RASSF8: variants seen among roughly 807,000 people sequenced by gnomAD.
RASSF8 encodes the protein ras association domain-containing protein 8.
RASSF8 carries 22 observed loss-of-function variants against 48.5 expected under a neutral mutation model. That is an observed-to-expected ratio of 0.45 (90% confidence interval 0.32 to 0.65). RASSF8 has a LOEUF of 0.65. RASSF8 is among the 30% of genes least tolerant of loss of function. The probability of loss-of-function intolerance (pLI) is 0.03; values close to 1 mark genes in which losing one functional copy is unlikely to be tolerated. For synonymous variants in RASSF8, 127 were observed against 171.5 expected (o/e 0.74, Z 2.03); for missense variants, 418 against 489.2 (o/e 0.85, Z 1.37).
intron 2 of RASSF8, among the ~76,000 whole-genome samples, chr12:26,016,189 T>C (rs897059804): frequency 7.0e-6 from 1 of 143,750 alleles, no homozygotes; most frequent in Non-Finnish European, 1.5e-5. Context: ...TCTGGAGTTA[T>C]TAAGGGCTGT....
At chr12:26,035,438 T>C (rs1236755809) in intron 2 of RASSF8, among the ~76,000 whole-genome samples, 1 of 21,152 alleles carries the variant, frequency 4.7e-5, no homozygotes, top group Admixed American at 3.7e-4. Flanking sequence ...TATATAATTA[T>C]ATAATATAAG....
chr12:25,992,964 A>G (rs1289810214), intron 1 of RASSF8, among the ~76,000 whole-genome samples: 2 of 152,130 alleles, frequency 1.3e-5, no homozygotes, highest in African/African-American at 4.8e-5. Context: ...TTGGTTTGTT[A>G]GTTTTTGTAA....
chr12:25,985,479 A>C (rs997626600), intron 1 of RASSF8, among the ~76,000 whole-genome samples: 3 of 152,214 alleles, frequency 2.0e-5, no homozygotes, highest in Non-Finnish European at 4.4e-5. Context: ...ATGGCAGTGC[A>C]GGGGTCCAGT....
intron 2 of RASSF8, among the ~76,000 whole-genome samples, chr12:26,016,300 A>G (rs1034455660): frequency 6.6e-6 from 1 of 151,780 alleles, no homozygotes; most frequent in Non-Finnish European, 1.5e-5. Flanking sequence ...TCTAATAACC[A>G]GTGCTTTTGC....
intron 1 of RASSF8, among the ~76,000 whole-genome samples, chr12:25,977,705 A>G (rs1202982298): frequency 1.3e-5 from 2 of 152,162 alleles, no homozygotes; most frequent in Admixed American, 1.3e-4. Context: ...CTTTACAAGT[A>G]TACTTTGATT....
At chr12:26,056,743 A>T (rs976795869) in intron 3 of RASSF8, among the ~76,000 whole-genome samples, 2 of 152,252 alleles carry the variant, frequency 1.3e-5, no homozygotes, top group Non-Finnish European at 2.9e-5. Flanking sequence ...AATGCTGAAA[A>T]TTCTGGGCTT....
chr12:26,024,018 C>G (rs1942847814), intron 2 of RASSF8, among the ~76,000 whole-genome samples: 1 of 152,038 alleles, frequency 6.6e-6, no homozygotes, highest in Non-Finnish European at 1.5e-5. Flanking sequence ...ATTTGATAGT[C>G]AAATAATTCT....
chr12:26,044,539 A>G (rs551116528), intron 2 of RASSF8, among the ~76,000 whole-genome samples: 1 of 152,272 alleles, frequency 6.6e-6, no homozygotes, highest in South Asian at 2.1e-4. Context: ...GTTAGGTTGT[A>G]TAGCTCATTC....
intron 2 of RASSF8, among the ~76,000 whole-genome samples, chr12:26,028,881 A>G (rs1942971356): frequency 6.6e-6 from 1 of 152,220 alleles, no homozygotes; most frequent in South Asian, 2.1e-4. Context: ...GTAAAAGTAT[A>G]TGTTGAATTC....
chr12:26,031,164 A>G (rs1253208795), intron 2 of RASSF8, among the ~76,000 whole-genome samples: 1 of 152,168 alleles, frequency 6.6e-6, no homozygotes. Flanking sequence ...TGCCAAATTT[A>G]ACTTGTAGAC....
intron 2 of RASSF8, among the ~76,000 whole-genome samples, chr12:26,045,399 A>G (rs984897029): frequency 8.5e-5 from 13 of 152,180 alleles, no homozygotes; most frequent in African/African-American, 3.1e-4. Context: ...TCTAGCAGCC[A>G]CTCTGACTCA....
intron 2 of RASSF8, among the ~76,000 whole-genome samples, chr12:25,996,927 C>T (rs530808988): frequency 6.6e-6 from 1 of 152,234 alleles, no homozygotes; most frequent in African/African-American, 2.4e-5. Flanking sequence ...GCCTTGAAGT[C>T]TCAGTATTGC....
Position 26,072,008 on chromosome 12 carries a change from A to C in RASSF8, c.*3190A>C. ...AAGCCATTTCTGTAAACATCTTCCA[A>C]GATAGAACTGTAATGGATTGAGGAA... On this transcript the variant is annotated 3_prime_UTR_variant, in exon 6 of 6. Transcript: ENST00000689635. The C allele has an allele frequency of 1.0e-6, 1 of 985,412 alleles. No individual in the cohort carries two copies. Among genetic ancestry groups the C allele is most frequent in the Non-Finnish European group, 1.2e-6 (1 of 829,898 alleles). The allele number at this position is 985,412 out of a possible 1,614,324, so 61.0% of individuals were successfully genotyped here. A position where few individuals can be genotyped will look rare whatever the true frequency, so the allele number is the denominator to read the frequency against.
chr12:26,031,318 G>GTATT lies in RASSF8; in HGVS notation c.-108-23916_-108-23913dup, dbSNP rs1011021389. ...CACCCCAAGATGCTAGATTGTTTCA[G>GTATT]TATTTTTTTTTCTAAACACTGCCAT... is the stretch of plus-strand genomic sequence containing the variant. On this transcript the variant is annotated intron_variant, in intron 2 of 5. Coordinates refer to ENST00000689635, the MANE Select transcript of RASSF8 (RefSeq NM_001394098.1). Among the ~76,000 whole-genome samples the GTATT allele has an allele frequency of 3.9e-5, 6 of 152,200 alleles. No individual in the cohort carries two copies. The South Asian group carries it at 8.3e-4, about 21-fold the overall frequency.
chr12:25,996,205 A>T (rs78797870), intron 2 of RASSF8, among the ~76,000 whole-genome samples: 6,955 of 152,252 alleles, frequency 0.046, 190 homozygotes, highest in Middle Eastern at 0.092. Context: ...TATCCACGTG[A>T]GAGTCAAAAA....
intron 2 of RASSF8, among the ~76,000 whole-genome samples, chr12:26,009,998 A>G (rs984596509): frequency 1.3e-5 from 2 of 152,202 alleles, no homozygotes; most frequent in African/African-American, 2.4e-5. Flanking sequence ...AGAAAAACTG[A>G]TGGAGAGAGT....
At chr12:26,010,624 C>G (rs944935923) in intron 2 of RASSF8, among the ~76,000 whole-genome samples, 1 of 152,198 alleles carries the variant, frequency 6.6e-6, no homozygotes, top group African/African-American at 2.4e-5. Flanking sequence ...ATTGAATGTG[C>G]TTTAGTTTAA....
intron 1 of RASSF8, among the ~76,000 whole-genome samples, chr12:25,990,408 A>G (rs894429876): frequency 1.1e-4 from 16 of 152,228 alleles, no homozygotes; most frequent in African/African-American, 3.4e-4. Flanking sequence ...TATCTTCATC[A>G]TTGTAATCCC....
At chr12:25,992,960 TGTTA>T (rs1179789622) in intron 1 of RASSF8, among the ~76,000 whole-genome samples, 1 of 152,156 alleles carries the variant, frequency 6.6e-6, no homozygotes, top group East Asian at 1.9e-4. Context: ...TCTTTTGGTT[TGTTA>T]GTTTTTGTAA....
Sources: gnomAD v4.1 joint callset for allele counts (sites outside exome capture counted in the v4.1 genomes callset) on GRCh38, gnomAD v4.1.1 for gene constraint, MANE v1.5 for transcripts, NCBI Gene and HGNC (gene_info 2026-07-23, HGNC 2026-07-21) for gene names.